The following SLC24A2 variants were observed in gnomAD, a reference collection of about 807,000 sequenced individuals.
The protein encoded by SLC24A2 is solute carrier family 24 member 2, also known as sodium/potassium/calcium exchanger 2.
Under a neutral mutation model 62.0 loss-of-function variants are expected in SLC24A2, and 36 were observed. The ratio of observed to expected loss-of-function variants is 0.58; its 90% CI spans 0.44 to 0.77. The LOEUF is 0.77. SLC24A2 is among the 30% of genes least tolerant of loss of function. SLC24A2 has a pLI of 0.00. For missense variants in SLC24A2, 846 were observed against 817.9 expected (o/e 1.03, Z -0.42); for synonymous variants, 358 against 294.0 (o/e 1.22, Z -2.23).
the SLC24A2 span, among the ~76,000 whole-genome samples, chr9:20,304,884 T>C: frequency 6.6e-6 from 1 of 150,466 alleles, no homozygotes. Context: ...TGAGCTCACC[T>C]GGGTCACGAC....
chr9:19,729,006 A>G (rs1821255907), intron 2 of SLC24A2, among the ~76,000 whole-genome samples: 1 of 152,208 alleles, frequency 6.6e-6, no homozygotes, highest in Admixed American at 6.5e-5. Context: ...CTTTAGAACA[A>G]TCTTAATGCC....
chr9:19,610,400 G>A (rs1199231460), intron 4 of SLC24A2, among the ~76,000 whole-genome samples: 1 of 152,124 alleles, frequency 6.6e-6, no homozygotes, highest in Non-Finnish European at 1.5e-5. Context: ...GCTTCTTGTT[G>A]CGATGATAAT....
chr9:20,281,620 G>C, the SLC24A2 span, among the ~76,000 whole-genome samples: 1 of 152,064 alleles, frequency 6.6e-6, no homozygotes, highest in East Asian at 1.9e-4. Context: ...ACATAGTGTT[G>C]GTCAGATTTA....
At chr9:20,005,548 G>C in the SLC24A2 span, among the ~76,000 whole-genome samples, 2 of 151,808 alleles carry the variant, frequency 1.3e-5, no homozygotes, top group Non-Finnish European at 2.9e-5. Flanking sequence ...GCAAAGACTT[G>C]AACTCAAGTT....
At chr9:20,181,791 T>C in the SLC24A2 span, among the ~76,000 whole-genome samples, 6 of 152,212 alleles carry the variant, frequency 3.9e-5, no homozygotes, top group Non-Finnish European at 8.8e-5. Context: ...AAATGGGATC[T>C]AATTAAATTA....
chr9:19,942,395 G>C, the SLC24A2 span, among the ~76,000 whole-genome samples: 1 of 152,172 alleles, frequency 6.6e-6, no homozygotes. Context: ...ACTTGTCCAA[G>C]GTCACATGGA....
the SLC24A2 span, among the ~76,000 whole-genome samples, chr9:19,845,371 C>T: frequency 1.1e-4 from 16 of 152,124 alleles, no homozygotes; most frequent in African/African-American, 3.9e-4. Flanking sequence ...ATTTTGTATC[C>T]TGACACTTTA....
chr9:19,567,260 A>C (rs577684056), intron 7 of SLC24A2, among the ~76,000 whole-genome samples: 2 of 151,766 alleles, frequency 1.3e-5, no homozygotes, highest in South Asian at 4.2e-4. Context: ...AAAGTAAGGA[A>C]TATGGGCCGG....
chr9:19,742,301 T>G (rs140511691), intron 2 of SLC24A2, among the ~76,000 whole-genome samples: 130 of 152,358 alleles, frequency 8.5e-4, no homozygotes, highest in Non-Finnish European at 1.6e-3. Flanking sequence ...TGGACAGGTA[T>G]TATCCTAAGG....
chr9:19,863,703 A>C, the SLC24A2 span, among the ~76,000 whole-genome samples: 1 of 151,676 alleles, frequency 6.6e-6, no homozygotes, highest in East Asian at 1.9e-4. Context: ...TATGGAATAC[A>C]GTGGAGCCAT....
At chr9:20,104,586 A>G in the SLC24A2 span, among the ~76,000 whole-genome samples, 1 of 152,224 alleles carries the variant, frequency 6.6e-6, no homozygotes, top group Non-Finnish European at 1.5e-5. Flanking sequence ...AGAATTTCAT[A>G]TCCAGCCAAA....
the SLC24A2 span, among the ~76,000 whole-genome samples, chr9:19,909,171 C>T: frequency 4.8e-3 from 732 of 152,194 alleles, 10 homozygotes; most frequent in African/African-American, 0.017. Context: ...GATGAGTTCA[C>T]GTCCTTTGTA....
At chr9:19,820,288 A>C in the SLC24A2 span, among the ~76,000 whole-genome samples, 3 of 149,262 alleles carry the variant, frequency 2.0e-5, no homozygotes, top group African/African-American at 7.4e-5. Context: ...TTTGGGGGGA[A>C]GAGTGGGAGG....
the SLC24A2 span, among the ~76,000 whole-genome samples, chr9:19,873,845 A>T: frequency 2.0e-5 from 3 of 152,142 alleles, no homozygotes; most frequent in African/African-American, 7.2e-5. Flanking sequence ...CGAATGCCCC[A>T]AATCACCAAA....
chr9:19,628,594 A>G (rs1288354537), intron 2 of SLC24A2, among the ~76,000 whole-genome samples: 1 of 152,244 alleles, frequency 6.6e-6, no homozygotes, highest in Non-Finnish European at 1.5e-5. Flanking sequence ...TGATATGCCA[A>G]TCAAACACAA....
At chr9:19,811,538 T>G in the SLC24A2 span, among the ~76,000 whole-genome samples, 1 of 152,166 alleles carries the variant, frequency 6.6e-6, no homozygotes, top group Admixed American at 6.5e-5. Context: ...ATCAAATAAT[T>G]TTTATTATTC....
At chr9:20,030,849 A>G in the SLC24A2 span, among the ~76,000 whole-genome samples, 1 of 152,158 alleles carries the variant, frequency 6.6e-6, no homozygotes, top group East Asian at 1.9e-4. Context: ...GGAAGTTGCA[A>G]ATGTAGTATC....
the SLC24A2 span, among the ~76,000 whole-genome samples, chr9:20,159,165 A>G: frequency 6.6e-6 from 1 of 151,664 alleles, no homozygotes; most frequent in African/African-American, 2.4e-5. Flanking sequence ...GACTATATAA[A>G]AAAATCTTCA....
At chr9:19,751,594 A>G (rs547581306) in intron 2 of SLC24A2, among the ~76,000 whole-genome samples, 7 of 152,226 alleles carry the variant, frequency 4.6e-5, no homozygotes, top group Admixed American at 3.3e-4. Flanking sequence ...GAAAGGAGAG[A>G]AACCAAATCA....
Sources: allele counts gnomAD v4.1 joint callset (sites outside exome capture counted in the v4.1 genomes callset), GRCh38; gene constraint gnomAD v4.1.1; transcripts MANE v1.5; gene names NCBI Gene and HGNC (gene_info 2026-07-23, HGNC 2026-07-21).